The following TESK2 variants were observed in gnomAD, a reference collection of about 807,000 sequenced individuals.
The protein encoded by TESK2 is dual specificity testis-specific protein kinase 2.
A neutral mutation model predicts 57.1 loss-of-function variants in TESK2; 39 were observed. The observed-to-expected ratio is 0.68, with a 90% CI of 0.53 to 0.89. The LOEUF is 0.89. TESK2 is among the 40% of genes least tolerant of loss of function. The pLI is 0.00. For synonymous variants in TESK2, 249 were observed against 267.9 expected, an observed-to-expected ratio of 0.93 and a Z score of 0.69; for missense variants, 646 against 732.1, an observed-to-expected ratio of 0.88 and a Z score of 1.36.
chr1:45,390,519 A>C (rs1649090991), intron 3 of TESK2, among the ~76,000 whole-genome samples: 1 of 151,416 alleles, frequency 6.6e-6, no homozygotes, highest in Admixed American at 6.6e-5. Context: ...AATCTAATTC[A>C]CTTTTTATTT....
intron 2 of TESK2, among the ~76,000 whole-genome samples, chr1:45,454,177 T>C (rs1000182135): frequency 2.0e-5 from 3 of 152,132 alleles, no homozygotes; most frequent in African/African-American, 7.2e-5. Context: ...AAATACTGTA[T>C]GTTTTCACTT....
At chr1:45,462,945 T>C (rs1652394358) in intron 1 of TESK2, among the ~76,000 whole-genome samples, 1 of 152,246 alleles carries the variant, frequency 6.6e-6, no homozygotes, top group Non-Finnish European at 1.5e-5. Context: ...GGTGAGATGA[T>C]AACTCATTGT....
At chr1:45,422,759 T>TGTTGTTG (rs1553152259) in intron 2 of TESK2, among the ~76,000 whole-genome samples, 33 of 146,886 alleles carry the variant, frequency 2.2e-4, no homozygotes, top group African/African-American at 7.3e-4. Flanking sequence ...TGTCTGGTTT[T>TGTTGTTG]TTGTTGTTGT....
At chr1:45,421,505 C>T (rs1650475349) in intron 3 of TESK2, among the ~76,000 whole-genome samples, 1 of 152,060 alleles carries the variant, frequency 6.6e-6, no homozygotes, top group African/African-American at 2.4e-5. Context: ...GAGAGTAAAG[C>T]AACTTAAGAG....
Position 45,346,768 on chromosome 1 carries a change from C to G in TESK2, c.804G>C (p.Leu268=). The G allele has an allele frequency of 6.2e-7, 1 of 1,614,064 alleles. No individual in the cohort carries two copies. Among genetic ancestry groups the G allele is most frequent in the South Asian group, 1.1e-5 (1 of 91,040 alleles). The part of the protein sequence containing the change: ...DYLPRTENFG[L]DYDAFQHMVG... Reference sequence around the variant, plus strand: ...CCATGTGCTGGAAAGCATCATAGTCCAGCCCGAAATTCTGTGGATGGGTAT... The same window carrying G: ...CCATGTGCTGGAAAGCATCATAGTCGAGCCCGAAATTCTGTGGATGGGTAT... Residue 268 remains leucine, a synonymous_variant, in exon 9 of 11, where the codon CTG becomes CTC. Coordinates refer to ENST00000372086, the MANE Select transcript of TESK2 (RefSeq NM_007170.3).
chr1:45,353,934 C>T (rs542666313), intron 5 of TESK2, among the ~76,000 whole-genome samples: 1 of 152,260 alleles, frequency 6.6e-6, no homozygotes, highest in Admixed American at 6.5e-5. Flanking sequence ...GAGGAACTGG[C>T]AGGGCAGCAG....
At chr1:45,440,075 C>T (rs947981037) in intron 2 of TESK2, among the ~76,000 whole-genome samples, 9 of 151,982 alleles carry the variant, frequency 5.9e-5, no homozygotes, top group East Asian at 1.9e-4. Flanking sequence ...CCTCAACCTC[C>T]GGAGTAGCTG....
Position 45,346,709 on chromosome 1 carries a change from G to GT in TESK2, c.862dup (p.Thr288AsnfsTer6). 1.2e-6 allele frequency: 2 copies of GT among 1,613,828 alleles called. No individual in the cohort carries two copies. The highest frequency in any genetic ancestry group is 1.7e-6 in the Non-Finnish European group (2 of 1,179,914). ...GACACTCACGTTACAGCAGTTGAAAGTAAGTTGCAGAAAATCTGGGGGACA... is the reference window on the plus strand; with the variant it reads ...GACACTCACGTTACAGCAGTTGAAAGTTAAGTTGCAGAAAATCTGGGGGACA... On this transcript the variant is annotated frameshift_variant, in exon 9 of 11. Transcript: ENST00000372086. LOFTEE classifies it high-confidence loss of function.
chr1:45,433,928 G>A (rs1362270285), intron 2 of TESK2, among the ~76,000 whole-genome samples: 1 of 151,942 alleles, frequency 6.6e-6, no homozygotes, highest in African/African-American at 2.4e-5. Flanking sequence ...CCTTTACGCT[G>A]TATCTTCATC....
chr1:45,384,610 T>TATTA (rs1553147549), intron 4 of TESK2, among the ~76,000 whole-genome samples: 6 of 123,610 alleles, frequency 4.9e-5, no homozygotes, highest in Non-Finnish European at 8.3e-5. Flanking sequence ...TTTTTTTTTT[T>TATTA]TTTTTTTTTT....
At chr1:45,482,969 A>G (rs2149308505) in intron 1 of TESK2, among the ~76,000 whole-genome samples, 2 of 133,686 alleles carry the variant, frequency 1.5e-5, no homozygotes, top group Middle Eastern at 3.9e-3. Flanking sequence ...GACAAGAACA[A>G]AACTCCAATT....
intron 10 of TESK2, 97 bp from the exon 11 acceptor site, chr1:45,345,655 T>C: frequency 8.5e-7 from 1 of 1,170,708 alleles, no homozygotes; most frequent in Admixed American, 2.0e-5. Context: ...GCAAAGCTGA[T>C]ACCATGGCCC....
intron 9 of TESK2, 132 bp from the exon 10 acceptor site, chr1:45,346,126 A>G: frequency 1.4e-6 from 1 of 709,112 alleles, no homozygotes; most frequent in East Asian, 2.5e-5. Context: ...GCCCCAGACA[A>G]TGAAGGTGAT....
intron 3 of TESK2, among the ~76,000 whole-genome samples, chr1:45,388,512 A>C (rs1557553195): frequency 6.6e-6 from 1 of 152,152 alleles, no homozygotes; most frequent in East Asian, 1.9e-4. Flanking sequence ...TAGAACATAG[A>C]TATGGTATTA....
intron 3 of TESK2, chr1:45,398,953 C>T (rs1162347256): frequency 4.7e-6 from 2 of 424,410 alleles, no homozygotes; most frequent in Non-Finnish European, 9.2e-6. Context: ...CTCCTTCCAC[C>T]TCTACCCAAC....
chr1:45,434,400 T>C (rs536181174), intron 2 of TESK2, among the ~76,000 whole-genome samples: 1 of 151,798 alleles, frequency 6.6e-6, no homozygotes, highest in East Asian at 1.9e-4. Context: ...CAAGCGATCC[T>C]CCCACCTAAG....
intron 3 of TESK2, among the ~76,000 whole-genome samples, chr1:45,390,301 CAAA>C (rs1310363278): frequency 5.9e-5 from 9 of 151,628 alleles, no homozygotes; most frequent in Non-Finnish European, 1.0e-4. Flanking sequence ...ATTTTTTATA[CAAA>C]AAAATACAAA....
intron 4 of TESK2, among the ~76,000 whole-genome samples, chr1:45,356,773 C>G (rs759701992): frequency 2.6e-5 from 4 of 152,030 alleles, no homozygotes; most frequent in Non-Finnish European, 4.4e-5. Context: ...ATTTAGGAGG[C>G]AAAAACATTG....
chr1:45,387,254 A>G (rs1648939137), intron 3 of TESK2, among the ~76,000 whole-genome samples: 1 of 152,078 alleles, frequency 6.6e-6, no homozygotes, highest in African/African-American at 2.4e-5. Flanking sequence ...TACCTAACTA[A>G]ATGCTTACAC....
Sources: gnomAD v4.1 joint callset for allele counts (sites outside exome capture counted in the v4.1 genomes callset) on GRCh38, gnomAD v4.1.1 for gene constraint, MANE v1.5 for transcripts, NCBI Gene and HGNC (gene_info 2026-07-23, HGNC 2026-07-21) for gene names.